ADK: variants seen among roughly 807,000 people sequenced by gnomAD.
ADK encodes adenosine kinase.
In ADK, 24 loss-of-function variants were observed where a neutral mutation model predicts 44.7. That is an observed-to-expected ratio of 0.54 (90% confidence interval 0.39 to 0.76). The LOEUF (loss-of-function observed/expected upper bound fraction) is 0.76, where lower values mean the gene tolerates loss of function less well. ADK is among the 30% of genes least tolerant of loss of function. The pLI, the probability that ADK is intolerant of heterozygous loss-of-function variation, is 0.00. For missense variants in ADK, 321 were observed against 425.1 expected, an observed-to-expected ratio of 0.76 and a Z score of 2.15; for synonymous variants, 128 against 142.6, an observed-to-expected ratio of 0.90 and a Z score of 0.73.
chr10:74,493,737 TGAA>T (rs996028542), intron 6 of ADK, among the ~76,000 whole-genome samples: 4 of 152,068 alleles, frequency 2.6e-5, no homozygotes, highest in Non-Finnish European at 4.4e-5. Flanking sequence ...ACTTTTCAGT[TGAA>T]GAAATAGATC....
At chr10:74,178,852 T>C (rs1842439307) in intron 1 of ADK, among the ~76,000 whole-genome samples, 1 of 152,216 alleles carries the variant, frequency 6.6e-6, no homozygotes, top group African/African-American at 2.4e-5. Flanking sequence ...ATTTTACACC[T>C]GAGGAAACTG....
chr10:74,238,821 A>G (rs1277484267), intron 3 of ADK, among the ~76,000 whole-genome samples: 1 of 149,658 alleles, frequency 6.7e-6, no homozygotes, highest in African/African-American at 2.4e-5. Context: ...ATTCAGGAGA[A>G]TAGTATACAT....
chr10:74,340,822 A>G (rs1306564667), intron 4 of ADK, among the ~76,000 whole-genome samples: 1 of 152,202 alleles, frequency 6.6e-6, no homozygotes, highest in Non-Finnish European at 1.5e-5. Context: ...TAATTTTGAA[A>G]GATTAAAATG....
chr10:74,322,510 A>T (rs1264127947), intron 4 of ADK, among the ~76,000 whole-genome samples: 1 of 152,028 alleles, frequency 6.6e-6, no homozygotes, highest in Non-Finnish European at 1.5e-5. Flanking sequence ...ATGAATTAAT[A>T]CTCCTCTTTG....
intron 6 of ADK, among the ~76,000 whole-genome samples, chr10:74,481,991 C>T (rs752496803): frequency 7.2e-5 from 11 of 152,176 alleles, no homozygotes; most frequent in Non-Finnish European, 1.0e-4. Flanking sequence ...GAAGATTCAT[C>T]GTAGTTTTTA....
At chr10:74,698,897 A>G (rs1325665173) in intron 10 of ADK, among the ~76,000 whole-genome samples, 1 of 151,172 alleles carries the variant, frequency 6.6e-6, no homozygotes, top group Admixed American at 6.6e-5. Context: ...CCCAAACTAG[A>G]GTACAGTAGG....
In ADK at chr10:74,525,254, A is replaced by C; in HGVS notation, c.556-2A>C. 6.2e-7 allele frequency: 1 copy of C among 1,613,512 alleles called. No homozygotes were observed. Among genetic ancestry groups the C allele is most frequent in the Non-Finnish European group, 8.5e-7 (1 of 1,179,722 alleles). On this transcript the variant is annotated splice_acceptor_variant, in intron 6 of 10. Coordinates refer to ENST00000539909, the MANE Select transcript of ADK (RefSeq NM_006721.4). LOFTEE classifies it high-confidence loss of function. ...ATTTTCCCTCCTTTTTTCTTCATCC[A>C]GGGCTTTTTTCTTACAGTTTCCCCA...
chr10:74,475,547 TAA>T (rs5786147), intron 6 of ADK, among the ~76,000 whole-genome samples: 6 of 150,092 alleles, frequency 4.0e-5, no homozygotes, highest in African/African-American at 7.4e-5. Context: ...CCCCATCTCT[TAA>T]AAAAAAAAAT....
rs575549363 is a variant in ADK, at chr10:74,648,640, C to T, written c.878-21543C>T. ...TTGCAGTGAGCCGAGATCACACCACCGCACTTCAGCCTGGTGACAAAGCGA... is the reference window on the plus strand; with the variant it reads ...TTGCAGTGAGCCGAGATCACACCACTGCACTTCAGCCTGGTGACAAAGCGA... On this transcript the variant is annotated intron_variant, in intron 9 of 10. Coordinates refer to ENST00000539909, the MANE Select transcript of ADK (RefSeq NM_006721.4). 2.6e-5 allele frequency among the ~76,000 whole-genome samples: 4 copies of T among 151,506 alleles called. No homozygotes were observed. The East Asian group carries it at 5.9e-4, about 22-fold the overall frequency.
chr10:74,666,024 G>A (rs953316402), intron 9 of ADK, among the ~76,000 whole-genome samples: 2 of 152,166 alleles, frequency 1.3e-5, no homozygotes, highest in African/African-American at 2.4e-5. Context: ...AGTTAATTTA[G>A]TGGAGGTAAA....
rs199844803 is a variant in ADK, at chr10:74,383,449, A to ATCT, written c.274-10685_274-10683dup. Among the ~76,000 whole-genome samples the ATCT allele has an allele frequency of 3.1e-4, 46 of 149,084 alleles. 2 individuals are homozygous for ATCT. In the East Asian group the frequency reaches 6.4e-3, roughly 21 times the overall value. ...CTCTTTCTCGGCCTCTCTGCCATTC[A>ATCT]TCTTCTTCTGAAAATTAGCTATCCC... On this transcript the variant is annotated intron_variant, in intron 4 of 10. Transcript: ENST00000539909.
chr10:74,651,420 G>C (rs1020796452), intron 9 of ADK, among the ~76,000 whole-genome samples: 24 of 152,250 alleles, frequency 1.6e-4, no homozygotes, highest in African/African-American at 5.8e-4. Context: ...TGTAGAATGG[G>C]AAAATTGTCC....
intron 7 of ADK, among the ~76,000 whole-genome samples, chr10:74,588,725 G>A (rs771492095): frequency 5.3e-5 from 8 of 152,272 alleles, no homozygotes; most frequent in Admixed American, 2.0e-4. Flanking sequence ...CCATTATAAA[G>A]TTATGCTTTG....
chr10:74,529,732 G>A (rs752593111), intron 7 of ADK, among the ~76,000 whole-genome samples: 41 of 152,066 alleles, frequency 2.7e-4, no homozygotes, highest in Non-Finnish European at 4.9e-4. Flanking sequence ...TTCGCTTCAA[G>A]AGGTATTTAT....
At chr10:74,207,527 G>T (rs953443935) in intron 2 of ADK, among the ~76,000 whole-genome samples, 1 of 152,192 alleles carries the variant, frequency 6.6e-6, no homozygotes, top group Non-Finnish European at 1.5e-5. Context: ...GACCCGAAGT[G>T]GGTAGCTCCT....
At chr10:74,458,803 C>T (rs1026106778) in intron 6 of ADK, among the ~76,000 whole-genome samples, 8 of 152,068 alleles carry the variant, frequency 5.3e-5, no homozygotes, top group African/African-American at 1.2e-4. Flanking sequence ...TTAATACTAT[C>T]CCATAGACCC....
At chr10:74,435,132 G>T (rs779942774) in intron 6 of ADK, among the ~76,000 whole-genome samples, 1 of 152,116 alleles carries the variant, frequency 6.6e-6, no homozygotes, top group Non-Finnish European at 1.5e-5. Flanking sequence ...AGATATAAGA[G>T]ATTTGAGTTT....
chr10:74,318,602 A>G (rs970707845), intron 4 of ADK, among the ~76,000 whole-genome samples: 1 of 152,248 alleles, frequency 6.6e-6, no homozygotes, highest in Non-Finnish European at 1.5e-5. Flanking sequence ...TTTTGACATC[A>G]GAAATTCAAA....
chr10:74,643,202 C>G (rs1462407922), intron 9 of ADK, among the ~76,000 whole-genome samples: 1 of 152,120 alleles, frequency 6.6e-6, no homozygotes, highest in Non-Finnish European at 1.5e-5. Flanking sequence ...ATTCCCAACT[C>G]AAGTCAGAAA....
Sources: allele counts gnomAD v4.1 joint callset (sites outside exome capture counted in the v4.1 genomes callset), GRCh38; gene constraint gnomAD v4.1.1; transcripts MANE v1.5; gene names NCBI Gene and HGNC (gene_info 2026-07-23, HGNC 2026-07-21).